The following CHRM3 variants were observed in gnomAD, a reference collection of about 807,000 sequenced individuals.
The protein encoded by CHRM3 is cholinergic receptor muscarinic 3, also known as muscarinic acetylcholine receptor M3.
Under a neutral mutation model 41.8 loss-of-function variants are expected in CHRM3, and 11 were observed. That is an observed-to-expected ratio of 0.26 (90% CI 0.17 to 0.44). The LOEUF is 0.44. Among genes scored for constraint, CHRM3 ranks in the 20% least tolerant of loss-of-function variants. The pLI is 1.00. For synonymous variants in CHRM3, 297 were observed against 301.4 expected (o/e 0.99, Z 0.15); for missense variants, 571 against 745.4 (o/e 0.77, Z 2.72).
intron 1 of CHRM3, among the ~76,000 whole-genome samples, chr1:239,424,813 T>A (rs1173883414): frequency 1.3e-5 from 2 of 152,188 alleles, no homozygotes; most frequent in African/African-American, 2.4e-5. Flanking sequence ...AGGGGTCAGA[T>A]CATGTAGGGC....
rs200527304 is a variant in CHRM3, at chr1:239,480,559, T to G, written c.-520-12150T>G. Among the ~76,000 whole-genome samples the G allele has an allele frequency of 1.5e-4, 21 of 142,890 alleles. No homozygotes were observed. In the East Asian group the frequency reaches 4.2e-3, roughly 29 times the overall value. 93.7% of individuals were successfully genotyped at this position (142,890 alleles called of 152,430 possible). ...GATAGCCCAATTTTTTTTTTTTTTT[T>G]TTTTTTTTTTTTGTTGAGACGGAGT... On this transcript the variant is annotated intron_variant, in intron 1 of 6. Transcript: ENST00000676153.
At position 239,558,901 on chromosome 1, in the gene CHRM3, T is replaced by G. The variant is rs76167355; in HGVS notation, c.-313+13152T>G. Among the ~76,000 whole-genome samples, 661 of 152,326 alleles carry G rather than the reference T, an allele frequency of 4.3e-3. 7 individuals carry two copies. The highest frequency in any genetic ancestry group is 0.015 in the African/African-American group (628 of 41,588). Reference sequence around the variant, plus strand: ...CCCTAACTGGTCTCTGAGCTCCTCTTGCATATGTATTGCTGATTTTCCTTT... The same window carrying G: ...CCCTAACTGGTCTCTGAGCTCCTCTGGCATATGTATTGCTGATTTTCCTTT... On this transcript the variant is annotated intron_variant, in intron 3 of 6. Transcript: ENST00000676153.
intron 1 of CHRM3, among the ~76,000 whole-genome samples, chr1:239,403,119 A>T (rs1426601386): frequency 6.6e-6 from 1 of 152,182 alleles, no homozygotes; most frequent in Non-Finnish European, 1.5e-5. Flanking sequence ...TAAATAAATT[A>T]TGTAAATAAC....
At chr1:239,800,927 T>A (rs1451840783) in intron 5 of CHRM3, among the ~76,000 whole-genome samples, 2 of 152,182 alleles carry the variant, frequency 1.3e-5, no homozygotes, top group Non-Finnish European at 2.9e-5. Flanking sequence ...CAGTTGAGGT[T>A]TCCCCTTTCA....
intron 6 of CHRM3, among the ~76,000 whole-genome samples, chr1:239,881,571 G>GA (rs1480042378): frequency 6.6e-6 from 1 of 151,992 alleles, no homozygotes; most frequent in South Asian, 2.1e-4. Flanking sequence ...AAATCAATCG[G>GA]AAAAACATCC....
intron 1 of CHRM3, among the ~76,000 whole-genome samples, chr1:239,489,412 CAA>C (rs150811450): frequency 4.9e-5 from 7 of 142,430 alleles, no homozygotes; most frequent in East Asian, 4.1e-4. Context: ...GACTCTGTCT[CAA>C]AAAAAAAAAA....
chr1:239,784,580 C>A (rs1443717888), intron 5 of CHRM3, among the ~76,000 whole-genome samples: 1 of 152,138 alleles, frequency 6.6e-6, no homozygotes, highest in African/African-American at 2.4e-5. Flanking sequence ...ATTTATTTGA[C>A]TTATACATTA....
intron 1 of CHRM3, among the ~76,000 whole-genome samples, chr1:239,439,926 G>C (rs1479362794): frequency 6.6e-6 from 1 of 152,178 alleles, no homozygotes; most frequent in African/African-American, 2.4e-5. Flanking sequence ...ATGGCCGGGA[G>C]CAGTGGCTCA....
At chr1:239,757,820 C>T (rs1406004205) in intron 5 of CHRM3, among the ~76,000 whole-genome samples, 1 of 152,072 alleles carries the variant, frequency 6.6e-6, no homozygotes, top group Non-Finnish European at 1.5e-5. Context: ...TTCTGTTTGC[C>T]CATCTCCTGA....
chr1:239,489,866 T>C (rs73116706), intron 1 of CHRM3, among the ~76,000 whole-genome samples: 3,847 of 152,224 alleles, frequency 0.025, 162 homozygotes, highest in African/African-American at 0.087. Flanking sequence ...TGGATAGGCA[T>C]ATGGACAGTT....
chr1:239,572,591 A>C (rs1661929323), intron 3 of CHRM3, among the ~76,000 whole-genome samples: 1 of 152,178 alleles, frequency 6.6e-6, no homozygotes, highest in Non-Finnish European at 1.5e-5. Context: ...TTGCTCTTTG[A>C]AACTAGTTCA....
At chr1:239,440,971 G>A (rs1663673117) in intron 1 of CHRM3, among the ~76,000 whole-genome samples, 1 of 152,156 alleles carries the variant, frequency 6.6e-6, no homozygotes, top group African/African-American at 2.4e-5. Flanking sequence ...TCTGGGTGGT[G>A]TATCATTTTG....
chr1:239,883,170 C>A (rs900322998), intron 6 of CHRM3, among the ~76,000 whole-genome samples: 2 of 152,220 alleles, frequency 1.3e-5, no homozygotes, highest in Non-Finnish European at 2.9e-5. Flanking sequence ...CTTGACTCAT[C>A]ATCGTAAACG....
At position 239,629,463 on chromosome 1, in the gene CHRM3, T is replaced by A. The variant is rs1197916443; in HGVS notation, c.-312-2761T>A. ...GGAAATGCAGAAATCACCCGTCTTC[T>A]GCGTCGCTCACGCTGGGAGCTGTAG... On this transcript the variant is annotated intron_variant, in intron 3 of 6. Coordinates refer to ENST00000676153, the MANE Select transcript of CHRM3 (RefSeq NM_001375978.1). The A allele has an allele frequency of 4.0e-3, 604 of 151,704 alleles. 1 individual carries two copies. The highest frequency in any genetic ancestry group is 7.3e-3 in the Non-Finnish European group (503 of 68,838). The allele number at this position is 151,704 out of a possible 1,614,324, so 9.4% of individuals were successfully genotyped here.
chr1:239,866,145 G>A (rs971009096), intron 6 of CHRM3, among the ~76,000 whole-genome samples: 32 of 152,072 alleles, frequency 2.1e-4, no homozygotes, highest in Non-Finnish European at 7.4e-5. Context: ...TGGGAGGCCG[G>A]GGCGGGCGGA....
intron 5 of CHRM3, among the ~76,000 whole-genome samples, chr1:239,757,570 C>A (rs551821979): frequency 9.9e-5 from 15 of 150,784 alleles, no homozygotes; most frequent in African/African-American, 3.2e-4. Flanking sequence ...GTGGAGCTTG[C>A]AGTGAGCCGA....
intron 1 of CHRM3, among the ~76,000 whole-genome samples, chr1:239,412,874 A>T (rs965337921): frequency 6.6e-6 from 1 of 151,928 alleles, no homozygotes; most frequent in African/African-American, 2.4e-5. Flanking sequence ...AGGTCAAGAG[A>T]TGGAGACCAG....
At chr1:239,760,762 A>G (rs1027800317) in intron 5 of CHRM3, among the ~76,000 whole-genome samples, 2 of 151,992 alleles carry the variant, frequency 1.3e-5, no homozygotes, top group East Asian at 3.9e-4. Context: ...TCTGTTCATA[A>G]TTTGCATTTT....
intron 6 of CHRM3, among the ~76,000 whole-genome samples, chr1:239,873,015 C>A (rs1031674639): frequency 3.9e-5 from 6 of 152,046 alleles, no homozygotes; most frequent in African/African-American, 1.2e-4. Flanking sequence ...TTTGAAATGA[C>A]CCCAATACAG....
Sources: allele counts gnomAD v4.1 joint callset (sites outside exome capture counted in the v4.1 genomes callset), GRCh38; gene constraint gnomAD v4.1.1; transcripts MANE v1.5; gene names NCBI Gene and HGNC (gene_info 2026-07-23, HGNC 2026-07-21).